Variants in TLN2 observed in about 807,000 individuals in gnomAD.
TLN2 encodes talin 2.
Under a neutral mutation model 294.7 loss-of-function variants are expected in TLN2, and 118 were observed. That is an observed-to-expected ratio of 0.40 (90% CI 0.34 to 0.47). The LOEUF is 0.47. Ranked by LOEUF, TLN2 falls within the 20% of genes least tolerant of loss-of-function variation. TLN2 has a pLI of 0.84. For missense variants in TLN2, 3,083 were observed against 3,282.2 expected (o/e 0.94, Z 1.48); for synonymous variants, 1,431 against 1,304.5 (o/e 1.10, Z -2.09).
At chr15:62,801,624 T>C (rs2065933565) in intron 50 of TLN2, among the ~76,000 whole-genome samples, 1 of 152,176 alleles carries the variant, frequency 6.6e-6, no homozygotes, top group Non-Finnish European at 1.5e-5. Context: ...TTGGGTTTTC[T>C]TGTCATATCA....
chr15:62,476,573 T>C (rs2037794137), intron 1 of TLN2, among the ~76,000 whole-genome samples: 1 of 152,216 alleles, frequency 6.6e-6, no homozygotes, highest in African/African-American at 2.4e-5. Context: ...AGGGCCCTTC[T>C]GTTGCCCCCA....
intron 1 of TLN2, among the ~76,000 whole-genome samples, chr15:62,485,965 C>T (rs893117566): frequency 3.3e-5 from 5 of 151,416 alleles, no homozygotes; most frequent in African/African-American, 1.2e-4. Context: ...GTGTTTTGAG[C>T]GTGTTGTTTT....
Position 62,725,193 on chromosome 15 carries a change from C to T in TLN2, c.3255+89C>T, listed in dbSNP as rs142628457. The T allele has an allele frequency of 3.8e-5, 56 of 1,489,474 alleles. No individual in the cohort carries two copies. In the South Asian group the frequency reaches 4.5e-4, roughly 12 times the overall value. 92.3% of individuals were successfully genotyped at this position (1,489,474 alleles called of 1,614,324 possible). Reference sequence around the variant, plus strand: ...GTTGTTAGGGTGTTTGCTAAAGTTGCGGCATGTTGAGAAGCTTCTAATCCT... The same window carrying T: ...GTTGTTAGGGTGTTTGCTAAAGTTGTGGCATGTTGAGAAGCTTCTAATCCT... On this transcript the variant is annotated intron_variant, in intron 27 of 58. Coordinates refer to ENST00000636159, the MANE Select transcript of TLN2 (RefSeq NM_015059.3).
intron 1 of TLN2, among the ~76,000 whole-genome samples, chr15:62,567,157 C>T (rs1274176783): frequency 6.6e-6 from 1 of 152,208 alleles, no homozygotes; most frequent in East Asian, 1.9e-4. Context: ...GTAGTATCCA[C>T]TCGGGAGTAT....
At chr15:62,560,912 C>T (rs2042906866) in intron 1 of TLN2, among the ~76,000 whole-genome samples, 1 of 152,252 alleles carries the variant, frequency 6.6e-6, no homozygotes, top group African/African-American at 2.4e-5. Context: ...GAGGGTGCTG[C>T]AGACACAGCC....
At chr15:62,586,144 G>A (rs2045587277) in intron 1 of TLN2, among the ~76,000 whole-genome samples, 1 of 152,242 alleles carries the variant, frequency 6.6e-6, no homozygotes, top group Non-Finnish European at 1.5e-5. Context: ...CTTAAATCCC[G>A]ATGCATCTCC....
intron 3 of TLN2, among the ~76,000 whole-genome samples, chr15:62,620,206 C>T (rs2048676459): frequency 6.6e-6 from 1 of 152,020 alleles, no homozygotes; most frequent in Admixed American, 6.6e-5. Flanking sequence ...ATCTCAAACC[C>T]CTGGCCTCAG....
intron 1 of TLN2, among the ~76,000 whole-genome samples, chr15:62,574,173 AT>A (rs113648407): frequency 0.011 from 1,636 of 144,756 alleles, 30 homozygotes; most frequent in African/African-American, 0.037. Context: ...CTGTCACTTC[AT>A]TTTTTTTTTT....
intron 34 of TLN2, among the ~76,000 whole-genome samples, chr15:62,751,446 T>C (rs1328071967): frequency 6.6e-6 from 1 of 152,218 alleles, no homozygotes; most frequent in Admixed American, 6.5e-5. Context: ...TCCAAAGAAA[T>C]GGTTCCTTTT....
At chr15:62,716,825 G>C (rs140513893) in intron 23 of TLN2, among the ~76,000 whole-genome samples, 1 of 152,308 alleles carries the variant, frequency 6.6e-6, no homozygotes, top group East Asian at 1.9e-4. Flanking sequence ...TCAAAGACTG[G>C]AGGTGGAGAT....
At chr15:62,731,409 GTT>G (rs36001940) in intron 28 of TLN2, among the ~76,000 whole-genome samples, 1 of 151,872 alleles carries the variant, frequency 6.6e-6, no homozygotes, top group East Asian at 1.9e-4. Context: ...CCTGAATTAT[GTT>G]TTTTTTCCCT....
At chr15:62,776,661 A>G in intron 42 of TLN2, 103 bp from the exon 43 acceptor site, 1 of 1,128,428 alleles carries the variant, frequency 8.9e-7, no homozygotes, top group Non-Finnish European at 1.1e-6. Context: ...GCTGTGCTCC[A>G]TTGTGGGGGT....
chr15:62,631,908 A>G (rs1403031178), intron 3 of TLN2, among the ~76,000 whole-genome samples: 2 of 151,956 alleles, frequency 1.3e-5, no homozygotes, highest in African/African-American at 4.8e-5. Context: ...GGTATTTTTT[A>G]ATAGTCTCCT....
chr15:62,608,985 T>C (rs34999930), intron 2 of TLN2, among the ~76,000 whole-genome samples: 29,607 of 151,814 alleles, frequency 0.2, 3,389 homozygotes, highest in East Asian at 0.41. Context: ...CCCGTAGGCA[T>C]TGAGGCTGTG....
rs1451840664 is a variant in TLN2 at position 62,702,869 on chromosome 15, G to C, written c.2004+5G>C. ...GAGACTGATGAGCGATTCCAGGTAA[G>C]ATATTTGCAGGCTTATAGTCATGGA... On this transcript the variant is annotated splice_donor_5th_base_variant and intron_variant, in intron 19 of 58. Transcript: ENST00000636159. The C allele has an allele frequency of 6.2e-7, 1 of 1,613,394 alleles. No individual in the cohort carries two copies. The highest frequency in any genetic ancestry group is 8.5e-7 in the Non-Finnish European group (1 of 1,179,328).
chr15:62,699,073 C>T (rs1355924353), intron 16 of TLN2, among the ~76,000 whole-genome samples: 2 of 152,122 alleles, frequency 1.3e-5, no homozygotes, highest in Non-Finnish European at 2.9e-5. Flanking sequence ...GGCAGTACCA[C>T]GGGTGGGCTG....
intron 1 of TLN2, among the ~76,000 whole-genome samples, chr15:62,471,300 A>G (rs750539729): frequency 2.0e-5 from 3 of 152,222 alleles, no homozygotes; most frequent in Non-Finnish European, 2.9e-5. Context: ...AGCCGAGATC[A>G]TGCTGCTGCA....
In TLN2 at chr15:62,693,355, T is replaced by G. The variant is rs537942815; in HGVS notation, c.1215+414T>G. Among the ~76,000 whole-genome samples, 35 of 152,100 alleles carry G rather than the reference T, an allele frequency of 2.3e-4. 1 individual carries two copies. The highest frequency in any genetic ancestry group is 8.8e-5 in the Non-Finnish European group (6 of 68,002). ...TCAAAAAAAAACAACAAAACTTGAT[T>G]TACTAATTTAATCTTTAATCACTAA... On this transcript the variant is annotated intron_variant, in intron 13 of 58. Transcript: ENST00000636159.
At chr15:62,463,036 A>G (rs920543451) in intron 1 of TLN2, among the ~76,000 whole-genome samples, 1 of 152,170 alleles carries the variant, frequency 6.6e-6, no homozygotes, top group African/African-American at 2.4e-5. Context: ...ATTCCCCGTC[A>G]GAGTAGGGGT....
Sources: allele counts gnomAD v4.1 joint callset (sites outside exome capture counted in the v4.1 genomes callset), GRCh38; gene constraint gnomAD v4.1.1; transcripts MANE v1.5; gene names NCBI Gene and HGNC (gene_info 2026-07-23, HGNC 2026-07-21).